Variants in SDK1 observed in about 807,000 individuals in gnomAD.
The protein encoded by SDK1 is sidekick cell adhesion molecule 1.
A neutral mutation model predicts 245.5 loss-of-function variants in SDK1; 157 were observed. That is an observed-to-expected ratio of 0.64 (90% CI 0.56 to 0.73). The LOEUF (loss-of-function observed/expected upper bound fraction) is 0.73, where lower values mean the gene tolerates loss of function less well. SDK1 is among the 30% of genes least tolerant of loss of function. The pLI, the probability that SDK1 is intolerant of heterozygous loss-of-function variation, is 0.00. For synonymous variants in SDK1, 1,647 were observed against 1,278.5 expected, an observed-to-expected ratio of 1.29 and a Z score of -6.15; for missense variants, 3,583 against 3,002.3, an observed-to-expected ratio of 1.19 and a Z score of -4.52.
chr7:3,589,750 C>T (rs1183936897), intron 1 of SDK1, among the ~76,000 whole-genome samples: 2 of 152,130 alleles, frequency 1.3e-5, no homozygotes, highest in African/African-American at 2.4e-5. Context: ...CCCCATGATT[C>T]GATTGCCTCC....
chr7:3,659,569 C>G (rs1348752327), intron 4 of SDK1, among the ~76,000 whole-genome samples: 1 of 152,064 alleles, frequency 6.6e-6, no homozygotes, highest in Non-Finnish European at 1.5e-5. Flanking sequence ...AGGAGAGTGG[C>G]CCAAAGTGAC....
chr7:3,796,229 C>A (rs144808770), intron 4 of SDK1, among the ~76,000 whole-genome samples: 3 of 152,200 alleles, frequency 2.0e-5, no homozygotes, highest in African/African-American at 7.2e-5. Context: ...TAATGTAATG[C>A]GGTCTTTAAG....
chr7:3,407,601 A>G (rs1472598418), intron 1 of SDK1, among the ~76,000 whole-genome samples: 1 of 152,218 alleles, frequency 6.6e-6, no homozygotes, highest in African/African-American at 2.4e-5. Context: ...TTAAGAAATT[A>G]GACGTATTTT....
At chr7:3,923,128 A>C (rs890247528) in intron 5 of SDK1, among the ~76,000 whole-genome samples, 15 of 152,316 alleles carry the variant, frequency 9.8e-5, no homozygotes, top group Admixed American at 5.2e-4. Flanking sequence ...TTTCATATTT[A>C]CAGTGTGTTA....
intron 1 of SDK1, chr7:3,302,150 AG>A (rs1388801856): frequency 6.1e-6 from 1 of 164,920 alleles, no homozygotes; most frequent in African/African-American, 2.4e-5. Flanking sequence ...TTTTAAGTTG[AG>A]GACCCATTTC....
chr7:3,550,892 C>T (rs528166711), intron 1 of SDK1, among the ~76,000 whole-genome samples: 1 of 152,172 alleles, frequency 6.6e-6, no homozygotes, highest in South Asian at 2.1e-4. Flanking sequence ...TGCTGTGGAG[C>T]CTAGTTGAAA....
intron 7 of SDK1, among the ~76,000 whole-genome samples, chr7:3,954,618 A>C (rs1583625175): frequency 9.3e-5 from 8 of 85,862 alleles, no homozygotes; most frequent in Non-Finnish European, 9.1e-5. Context: ...TCCCCTCTAC[A>C]CCTTCCCCTC....
intron 4 of SDK1, among the ~76,000 whole-genome samples, chr7:3,691,812 A>C (rs1384056652): frequency 2.6e-5 from 4 of 152,158 alleles, no homozygotes; most frequent in Non-Finnish European, 5.9e-5. Context: ...TGGCTTATCT[A>C]CTTACTCATT....
At chr7:3,948,679 C>T (rs998349181) in intron 5 of SDK1, among the ~76,000 whole-genome samples, 3 of 152,186 alleles carry the variant, frequency 2.0e-5, no homozygotes, top group Non-Finnish European at 2.9e-5. Context: ...CTTGGCCCTG[C>T]GGGGCTGCGA....
In SDK1 at chr7:4,210,040, G is replaced by C. The variant is rs758062258; in HGVS notation, c.5417G>C (p.Ser1806Thr). 1.9e-6 allele frequency: 3 copies of C among 1,591,906 alleles called. No individual in the cohort carries two copies. The East Asian group carries it at 6.8e-5, about 36-fold the overall frequency. The change falls in exon 38 of 45, where the codon AGC becomes ACC. Residue 1806 changes from serine to threonine, a missense_variant. Ser to Thr is a moderately conservative substitution (Grantham distance 58). Transcript: ENST00000404826. ...RTHQAAPGAP[S>T]FLAFSEITST... ...ATTCTCCCAGCCCCTGGGGCCCCCAGCTTTCTGGCGTTCTCAGAAATAACC... is the reference window on the plus strand; with the variant it reads ...ATTCTCCCAGCCCCTGGGGCCCCCACCTTTCTGGCGTTCTCAGAAATAACC...
intron 5 of SDK1, among the ~76,000 whole-genome samples, chr7:3,878,793 ATAT>A (rs1781135640): frequency 6.6e-6 from 1 of 152,014 alleles, no homozygotes; most frequent in African/African-American, 2.4e-5. Context: ...CCTAGAGGAA[ATAT>A]TATTTTTCTC....
intron 4 of SDK1, among the ~76,000 whole-genome samples, chr7:3,693,866 C>T (rs1399517146): frequency 3.3e-5 from 5 of 152,116 alleles, no homozygotes; most frequent in Non-Finnish European, 7.4e-5. Flanking sequence ...GCAGCCATCT[C>T]ATTTTCTCCT....
rs1054829356 is a variant in SDK1 at position 3,337,415 on chromosome 7, A to G, written c.298+35531A>G. ...CCTCTGGAGTGATGATAAAAGAGATAACACTTGTGTTGTTGCAGTTTCAGA... is the reference window on the plus strand; with the variant it reads ...CCTCTGGAGTGATGATAAAAGAGATGACACTTGTGTTGTTGCAGTTTCAGA... On this transcript the variant is annotated intron_variant, in intron 1 of 44. Transcript: ENST00000404826. Among the ~76,000 whole-genome samples, 7 of 152,160 alleles carry G rather than the reference A, an allele frequency of 4.6e-5. No individual in the cohort carries two copies. The East Asian group carries it at 9.6e-4, about 21-fold the overall frequency.
At chr7:4,204,580 A>G (rs1463989444) in intron 35 of SDK1, among the ~76,000 whole-genome samples, 2 of 152,206 alleles carry the variant, frequency 1.3e-5, no homozygotes, top group Non-Finnish European at 1.5e-5. Flanking sequence ...TCTCCCAAGA[A>G]GGCCTCTCCA....
chr7:3,935,233 C>T (rs1229899577), intron 5 of SDK1, among the ~76,000 whole-genome samples: 1 of 152,162 alleles, frequency 6.6e-6, no homozygotes, highest in Non-Finnish European at 1.5e-5. Flanking sequence ...CAGGTGCACC[C>T]CACACCTGAC....
chr7:4,151,955 G>A (rs77409333), intron 30 of SDK1, among the ~76,000 whole-genome samples: 5,177 of 152,256 alleles, frequency 0.034, 262 homozygotes, highest in African/African-American at 0.12. Context: ...GGTCTGCGAC[G>A]TATGAAAACC....
intron 14 of SDK1, among the ~76,000 whole-genome samples, chr7:3,993,063 T>G (rs1395382192): frequency 1.3e-5 from 2 of 152,256 alleles, no homozygotes; most frequent in East Asian, 1.9e-4. Flanking sequence ...ACTAAAATCT[T>G]TGATACATGT....
chr7:3,589,681 A>G (rs997757498), intron 1 of SDK1, among the ~76,000 whole-genome samples: 2 of 152,192 alleles, frequency 1.3e-5, no homozygotes, highest in African/African-American at 4.8e-5. Flanking sequence ...ACTGCCCTTT[A>G]TAAAACCATC....
chr7:3,543,972 T>A lies in SDK1; in HGVS notation c.299-75108T>A, dbSNP rs186967759. Among the ~76,000 whole-genome samples, 11 of 152,342 alleles carry A rather than the reference T, an allele frequency of 7.2e-5. No homozygotes were observed. In the East Asian group the frequency reaches 2.1e-3, roughly 29 times the overall value. ...AACGATCATTTCTCTATGCATAGAT[T>A]ATTATCACTGGCCATCTCTACTACT... is the stretch of plus-strand genomic sequence containing the variant. On this transcript the variant is annotated intron_variant, in intron 1 of 44. Coordinates refer to ENST00000404826, the MANE Select transcript of SDK1 (RefSeq NM_152744.4).
Sources: gnomAD v4.1 joint callset for allele counts (sites outside exome capture counted in the v4.1 genomes callset) on GRCh38, gnomAD v4.1.1 for gene constraint, MANE v1.5 for transcripts, NCBI Gene and HGNC (gene_info 2026-07-23, HGNC 2026-07-21) for gene names.